Variants in UGT1A9 observed in about 807,000 individuals in gnomAD.
UGT1A9 encodes the protein UDP-glucuronosyltransferase 1A9.
Under a neutral mutation model 45.0 loss-of-function variants are expected in UGT1A9, and 35 were observed. The observed-to-expected ratio is 0.78, with a 90% CI of 0.59 to 1.03. UGT1A9 has a LOEUF of 1.03. Among genes scored for constraint, UGT1A9 ranks in the 50% least tolerant of loss-of-function variants. UGT1A9 has a pLI of 0.00. For missense variants in UGT1A9, 687 were observed against 666.6 expected, an observed-to-expected ratio of 1.03 and a Z score of -0.34; for synonymous variants, 278 against 250.6, an observed-to-expected ratio of 1.11 and a Z score of -1.03.
chr2:233,692,873 A>G, intron 1 of UGT1A9: 2 of 1,491,190 alleles, frequency 1.3e-6, no homozygotes, highest in Middle Eastern at 2.5e-4. Flanking sequence ...ATCAAAGGGT[A>G]AAATTCAGAG....
chr2:233,768,231 A>G lies in UGT1A9; in HGVS notation c.1087A>G (p.Thr363Ala). The G allele has an allele frequency of 5.6e-6, 9 of 1,614,162 alleles. No homozygotes were observed. The highest frequency in any genetic ancestry group is 7.6e-6 in the Non-Finnish European group (9 of 1,180,044). Reference sequence around the variant, plus strand: ...ATTTTGCATCTCAGGTCACCCGATGACCCGTGCCTTTATCACCCATGCTGG... The same window carrying G: ...ATTTTGCATCTCAGGTCACCCGATGGCCCGTGCCTTTATCACCCATGCTGG... ...PQNDLLGHPMTRAFITHAGSH... is the reference protein window; with the variant it reads ...PQNDLLGHPMARAFITHAGSH... The change falls in exon 4 of 5, where the codon ACC becomes GCC. Residue 363 changes from threonine (T) to alanine (A), a missense_variant. By Grantham distance (58) the Thr-to-Ala change is moderately conservative. Coordinates refer to ENST00000354728, the MANE Select transcript of UGT1A9 (RefSeq NM_021027.3).
chr2:233,728,786 G>A (rs944510935), intron 1 of UGT1A9, among the ~76,000 whole-genome samples: 1 of 152,188 alleles, frequency 6.6e-6, no homozygotes, highest in Non-Finnish European at 1.5e-5. Context: ...GATAAACATG[G>A]TTAACAGAGA....
intron 1 of UGT1A9, chr2:233,747,550 G>C: frequency 6.2e-6 from 10 of 1,601,970 alleles, no homozygotes; most frequent in Non-Finnish European, 7.7e-6. Context: ...TTTTCTAAAA[G>C]TATGGCAATT....
In UGT1A9 at chr2:233,720,107, C is replaced by T. The variant is rs542335836; in HGVS notation, c.856-46927C>T. ...GATAATTTTTAGTGGTCCCATCTTGCGAAAGATACAGAGGTGACCACAGGA... is the reference window on the plus strand; with the variant it reads ...GATAATTTTTAGTGGTCCCATCTTGTGAAAGATACAGAGGTGACCACAGGA... On this transcript the variant is annotated intron_variant, in intron 1 of 4. Transcript: ENST00000354728. Among the ~76,000 whole-genome samples, 144 of 152,152 alleles carry T rather than the reference C, an allele frequency of 9.5e-4. 1 individual carries two copies. Among genetic ancestry groups the T allele is most frequent in the African/African-American group, 3.2e-3 (134 of 41,490 alleles).
In UGT1A9 at chr2:233,772,933, T is replaced by C. The variant is rs1700557835; in HGVS notation, c.*374T>C. On this transcript the variant is annotated 3_prime_UTR_variant, in exon 5 of 5. Coordinates refer to ENST00000354728, the MANE Select transcript of UGT1A9 (RefSeq NM_021027.3). ...ACTGCAAATGGCAGTTTTAATCTTA[T>C]CTTTTGGCTTCTGCAGATGGTTGCA... is the stretch of plus-strand genomic sequence containing the variant. 2 of 341,712 alleles carry C rather than the reference T, an allele frequency of 5.9e-6. No homozygotes were observed. Among genetic ancestry groups the C allele is most frequent in the East Asian group, 7.7e-5 (1 of 13,004 alleles). The allele number at this position is 341,712 out of a possible 1,614,324, so 21.2% of individuals were successfully genotyped here.
At position 233,689,220 on chromosome 2, in the gene UGT1A9, C is replaced by T. The variant is rs1451554792; in HGVS notation, c.855+16431C>T. On this transcript the variant is annotated intron_variant, in intron 1 of 4. Coordinates refer to ENST00000354728, the MANE Select transcript of UGT1A9 (RefSeq NM_021027.3). Reference sequence around the variant, plus strand: ...TGGCTGGGCAAGCCATACTTACCTGCACTTCCCTATTCCATCTGTGAGTGA... The same window carrying T: ...TGGCTGGGCAAGCCATACTTACCTGTACTTCCCTATTCCATCTGTGAGTGA... 3.0e-4 allele frequency among the ~76,000 whole-genome samples: 45 copies of T among 152,194 alleles called. 1 individual carries two copies. The highest frequency in any genetic ancestry group is 2.4e-5 in the African/African-American group (1 of 41,452).
At chr2:233,733,899 C>G (rs563890237) in intron 1 of UGT1A9, among the ~76,000 whole-genome samples, 41 of 152,048 alleles carry the variant, frequency 2.7e-4, no homozygotes, top group African/African-American at 9.9e-4. Flanking sequence ...CCTGTTTGTA[C>G]CTCTCTGGTA....
At chr2:233,725,101 C>G (rs1177502962) in intron 1 of UGT1A9, among the ~76,000 whole-genome samples, 4 of 143,214 alleles carry the variant, frequency 2.8e-5, no homozygotes, top group African/African-American at 1.1e-4. Context: ...GCAGGAGAAT[C>G]AGGCAGGGAG....
At chr2:233,681,650 T>C (rs1489266974) in intron 1 of UGT1A9, among the ~76,000 whole-genome samples, 2 of 152,178 alleles carry the variant, frequency 1.3e-5, no homozygotes, top group East Asian at 1.9e-4. Flanking sequence ...CCAAAAGCAT[T>C]GCTTAATAAT....
chr2:233,724,204 T>C (rs1288091131), intron 1 of UGT1A9, among the ~76,000 whole-genome samples: 2 of 103,218 alleles, frequency 1.9e-5, no homozygotes, highest in South Asian at 3.6e-4. Context: ...CTGGCCGGGC[T>C]GAGGGGCTCC....
chr2:233,765,884 C>T (rs1054179790), intron 1 of UGT1A9, among the ~76,000 whole-genome samples: 2 of 152,082 alleles, frequency 1.3e-5, no homozygotes, highest in African/African-American at 4.8e-5. Context: ...CTCACTTTCT[C>T]AGTGCGCCAC....
At chr2:233,717,463 G>T (rs374557809) in intron 1 of UGT1A9, among the ~76,000 whole-genome samples, 2 of 152,198 alleles carry the variant, frequency 1.3e-5, no homozygotes, top group African/African-American at 4.8e-5. Context: ...CCTGTCCCAT[G>T]GGTTGTGTCC....
intron 1 of UGT1A9, chr2:233,717,938 T>A (rs2076617026): frequency 8.8e-6 from 4 of 453,788 alleles, no homozygotes; most frequent in East Asian, 7.0e-5. Context: ...TCAGTCTCTA[T>A]GCAGACTTGC....
chr2:233,702,473 C>A (rs550739949), intron 1 of UGT1A9, among the ~76,000 whole-genome samples: 2 of 152,066 alleles, frequency 1.3e-5, no homozygotes, highest in South Asian at 2.1e-4. Flanking sequence ...ATCTAATTGC[C>A]CTGGCTTGAA....
At position 233,672,332 on chromosome 2, in the gene UGT1A9, T is replaced by C; in HGVS notation, c.398T>C (p.Leu133Ser). Residue 133 changes from leucine to serine, a missense_variant, in exon 1 of 5, where the codon TTA (leucine) becomes TCA (serine). Physicochemically the swap from Leu to Ser is moderately radical, Grantham distance 145. Coordinates refer to ENST00000354728, the MANE Select transcript of UGT1A9 (RefSeq NM_021027.3). ...NCRSLFKDKK[L>S]VEYLKESSFD... ...AGGAGTTTGTTTAAAGACAAAAAAT[T>C]AGTAGAATACTTAAAGGAGAGTTCT... The C allele has an allele frequency of 1.9e-6, 3 of 1,614,164 alleles. No individual in the cohort carries two copies. Among genetic ancestry groups the C allele is most frequent in the African/African-American group, 2.7e-5 (2 of 75,068 alleles).
chr2:233,719,613 T>C, intron 1 of UGT1A9: 6 of 1,614,096 alleles, frequency 3.7e-6, no homozygotes, highest in Non-Finnish European at 5.1e-6. Flanking sequence ...TGTGATGGAC[T>C]ACCCCAGGCC....
At chr2:233,720,760 C>CA (rs931829626) in intron 1 of UGT1A9, among the ~76,000 whole-genome samples, 1 of 148,948 alleles carries the variant, frequency 6.7e-6, no homozygotes, top group African/African-American at 2.5e-5. Context: ...GGCTGGAGGG[C>CA]AGTGGCCGGA....
intron 1 of UGT1A9, among the ~76,000 whole-genome samples, chr2:233,725,765 A>G (rs547066557): frequency 6.7e-4 from 102 of 152,264 alleles, no homozygotes; most frequent in African/African-American, 2.2e-3. Flanking sequence ...CATTTTCTTC[A>G]CATAGTTTGT....
chr2:233,768,582 C>CTTTT (rs139595073), intron 4 of UGT1A9, 143 bp downstream of exon 4: 40 of 1,033,114 alleles, frequency 3.9e-5, no homozygotes, highest in African/African-American at 2.8e-4. Context: ...TTTATTTCTT[C>CTTTT]TTTTTTTTTT....
Sources: allele counts gnomAD v4.1 joint callset (sites outside exome capture counted in the v4.1 genomes callset), GRCh38; gene constraint gnomAD v4.1.1; transcripts MANE v1.5; gene names NCBI Gene and HGNC (gene_info 2026-07-23, HGNC 2026-07-21).